The following WDR1 variants were observed in gnomAD, a reference collection of about 807,000 sequenced individuals.
WDR1 encodes the protein WD repeat-containing protein 1.
WDR1 carries 21 observed loss-of-function variants against 71.9 expected under a neutral mutation model. The observed-to-expected ratio is 0.29, with a 90% confidence interval of 0.21 to 0.42. The LOEUF (loss-of-function observed/expected upper bound fraction) is 0.42. WDR1 is among the 10% of genes least tolerant of loss of function. The pLI is 1.00. For synonymous variants in WDR1, 424 were observed against 347.4 expected (o/e 1.22, Z -2.45); for missense variants, 696 against 824.5 (o/e 0.84, Z 1.91).
At chr4:10,091,014 T>C (rs1381514487) in intron 5 of WDR1, among the ~76,000 whole-genome samples, 2 of 152,238 alleles carry the variant, frequency 1.3e-5, no homozygotes, top group Non-Finnish European at 2.9e-5. Flanking sequence ...GATCAGCTCA[T>C]GAGCGATGGG....
intron 2 of WDR1, among the ~76,000 whole-genome samples, chr4:10,112,300 GA>G (rs1362706556): frequency 6.6e-6 from 1 of 152,112 alleles, no homozygotes; most frequent in Non-Finnish European, 1.5e-5. Context: ...GCACCTGCAG[GA>G]AGCCTTCCTT....
intron 11 of WDR1, among the ~76,000 whole-genome samples, chr4:10,079,979 T>C (rs4697916): frequency 1 from 151,883 of 152,266 alleles, 75,752 homozygotes; most frequent in East Asian, 1. Flanking sequence ...CCCTCCTAAC[T>C]CTTTGACTGG....
chr4:10,081,551 C>G (rs2109642136), intron 10 of WDR1, 107 bp from the exon 11 acceptor site: 4 of 913,132 alleles, frequency 4.4e-6, no homozygotes, highest in Non-Finnish European at 7.0e-6. Flanking sequence ...GAAGGCAATT[C>G]TATTGCCACC....
At chr4:10,082,656 G>A (rs1765063802) in intron 10 of WDR1, among the ~76,000 whole-genome samples, 1 of 152,160 alleles carries the variant, frequency 6.6e-6, no homozygotes, top group Non-Finnish European at 1.5e-5. Context: ...CCTGTGCCAG[G>A]CTCACCTAAT....
chr4:10,076,397 T>C (rs1764799832), intron 14 of WDR1: 1 of 152,308 alleles, frequency 6.6e-6, no homozygotes, highest in Non-Finnish European at 1.5e-5. Context: ...GGTCACTTCA[T>C]GTTTGGTGGC....
chr4:10,115,541 T>C (rs538502658), intron 2 of WDR1, among the ~76,000 whole-genome samples: 1 of 152,274 alleles, frequency 6.6e-6, no homozygotes, highest in Admixed American at 6.5e-5. Flanking sequence ...CTGAGTGCCA[T>C]TCCATTCAGC....
chr4:10,113,286 G>A lies in WDR1; in HGVS notation c.138+2827C>T, dbSNP rs148946597. On this transcript the variant is annotated intron_variant, in intron 2 of 14. Transcript: ENST00000499869. ...TGAGGCAGGAGATTTGCCTGAACCCGGCAGGTGGAGGTTGCAGTGACCCAA... is the reference window on the plus strand; with the variant it reads ...TGAGGCAGGAGATTTGCCTGAACCCAGCAGGTGGAGGTTGCAGTGACCCAA... Among the ~76,000 whole-genome samples the A allele has an allele frequency of 6.8e-3, 1,040 of 152,280 alleles. 12 individuals are homozygous for A. Among genetic ancestry groups the A allele is most frequent in the African/African-American group, 0.024 (978 of 41,542 alleles).
chr4:10,088,462 C>T (rs1412859520), intron 6 of WDR1, 89 bp from the exon 7 acceptor site: 11 of 1,358,318 alleles, frequency 8.1e-6, no homozygotes, highest in Admixed American at 3.9e-5. Flanking sequence ...TGTAGAAAAC[C>T]GGGGCTCACA....
chr4:10,103,325 GC>G (rs1185484656), intron 3 of WDR1, among the ~76,000 whole-genome samples: 1 of 144,772 alleles, frequency 6.9e-6, no homozygotes, highest in East Asian at 2.0e-4. Context: ...CACACACACG[GC>G]CCACAAGGGC....
intron 5 of WDR1, 143 bp downstream of exon 5, chr4:10,097,568 G>T: frequency 1.0e-6 from 1 of 1,002,582 alleles, no homozygotes; most frequent in Non-Finnish European, 1.4e-6. Flanking sequence ...CCCTCTCTCT[G>T]CACACCCCTG....
intron 10 of WDR1, 141 bp downstream of exon 10, chr4:10,082,881 G>T: frequency 8.7e-7 from 1 of 1,144,530 alleles, no homozygotes; most frequent in Non-Finnish European, 1.2e-6. Flanking sequence ...CCCAACAACA[G>T]GAGAACAATG....
intron 5 of WDR1, chr4:10,092,367 C>G (rs1486364220): frequency 6.6e-6 from 1 of 152,404 alleles, no homozygotes; most frequent in Admixed American, 6.5e-5. Context: ...TTCAGTGGCT[C>G]CCTGAGGTCA....
At position 10,077,316 on chromosome 4, in the gene WDR1, C is replaced by G. The variant is rs371768890; in HGVS notation, c.1702G>C (p.Val568Leu). 12 of 1,614,020 alleles carry G rather than the reference C, an allele frequency of 7.4e-6. No homozygotes were observed. Among genetic ancestry groups the G allele is most frequent in the Non-Finnish European group, 9.3e-6 (11 of 1,179,870 alleles). ...GGGCGGAAGTCACCTTGGATCTTGACTCTGGTTTCCGGGTCACTCAGGGTC... is the reference window on the plus strand; with the variant it reads ...GGGCGGAAGTCACCTTGGATCTTGAGTCTGGTTTCCGGGTCACTCAGGGTC... ...VWTLSDPETR[V>L]KIQDAHRLHH... The change falls in exon 14 of 15, where the codon GTC (valine) becomes CTC (leucine). Residue 568 changes from valine (V) to leucine (L), a missense_variant. By Grantham distance (32) the Val-to-Leu change is conservative. Transcript: ENST00000499869.
intron 11 of WDR1, 98 bp from the exon 12 acceptor site, chr4:10,079,099 T>C (rs1764913375): frequency 1.0e-6 from 1 of 990,012 alleles, no homozygotes; most frequent in South Asian, 1.6e-5. Flanking sequence ...TCACTGGAGC[T>C]GGGTTTGGCT....
At chr4:10,102,563 C>T (rs1712740006) in intron 3 of WDR1, among the ~76,000 whole-genome samples, 1 of 152,142 alleles carries the variant, frequency 6.6e-6, no homozygotes, top group African/African-American at 2.4e-5. Context: ...CCCTGCTGTG[C>T]AACGGCCCCT....
intron 2 of WDR1, among the ~76,000 whole-genome samples, chr4:10,109,060 G>C (rs1235243893): frequency 6.6e-6 from 1 of 152,250 alleles, no homozygotes; most frequent in Non-Finnish European, 1.5e-5. Flanking sequence ...ATCCCCACCG[G>C]CCACTTACTA....
At chr4:10,105,319 A>G (rs1367814931) in intron 2 of WDR1, among the ~76,000 whole-genome samples, 1 of 152,202 alleles carries the variant, frequency 6.6e-6, no homozygotes, top group Non-Finnish European at 1.5e-5. Context: ...AGCCATCTCA[A>G]TAAGTGGTTT....
chr4:10,077,992 A>T, intron 12 of WDR1, 66 bp from the exon 13 acceptor site: 5 of 1,479,476 alleles, frequency 3.4e-6, no homozygotes, highest in Non-Finnish European at 4.5e-6. Context: ...TCCTTTGTGA[A>T]GGGGGGGTCG....
In WDR1 at chr4:10,078,791, G is replaced by A. The variant is rs758700263; in HGVS notation, c.1395+100C>T. The stretch of plus-strand genomic sequence containing the variant: ...GCCCCCATCCTTCCCCTGACCCCTC[G>A]CCTTCCCTGAGACAGCCCCGGTACT... On this transcript the variant is annotated intron_variant, in intron 12 of 14. Transcript: ENST00000499869. 19 of 1,008,836 alleles carry A rather than the reference G, an allele frequency of 1.9e-5. No homozygotes were observed. The East Asian group carries it at 2.7e-4, about 14-fold the overall frequency. The allele number at this position is 1,008,836 out of a possible 1,614,324, so 62.5% of individuals were successfully genotyped here.
Sources: allele counts gnomAD v4.1 joint callset (sites outside exome capture counted in the v4.1 genomes callset), GRCh38; gene constraint gnomAD v4.1.1; transcripts MANE v1.5; gene names NCBI Gene and HGNC (gene_info 2026-07-23, HGNC 2026-07-21).